The following COL25A1 variants were observed in gnomAD, a reference collection of about 807,000 sequenced individuals.
COL25A1 encodes collagen type XXV alpha 1 chain.
Under a neutral mutation model 128.4 loss-of-function variants are expected in COL25A1, and 103 were observed. The observed-to-expected ratio is 0.80, with a 90% CI of 0.68 to 0.94. COL25A1 has a LOEUF of 0.94. Among genes scored for constraint, COL25A1 ranks in the 40% least tolerant of loss-of-function variants. The probability of loss-of-function intolerance (pLI) is 0.00; values close to 1 mark genes in which losing one functional copy is unlikely to be tolerated. For synonymous variants in COL25A1, 279 were observed against 277.2 expected (o/e 1.01, Z -0.06); for missense variants, 745 against 840.0 (o/e 0.89, Z 1.40).
rs1383703429 is a variant in COL25A1 at position 109,254,505 on chromosome 4, A to ATATATATATGTG, written c.367+46077_367+46078insCACATATATATA. On this transcript the variant is annotated intron_variant, in intron 3 of 37. Coordinates refer to ENST00000399132, the MANE Select transcript of COL25A1 (RefSeq NM_198721.4). ...TATATATATATATATATATATATAT[A>ATATATATATGTG]TGTATGTGTGTATATACATATACAT... Among the ~76,000 whole-genome samples the ATATATATATGTG allele has an allele frequency of 7.4e-3, 780 of 104,838 alleles. 15 individuals carry two copies. Among genetic ancestry groups the ATATATATATGTG allele is most frequent in the East Asian group, 0.022 (72 of 3,256 alleles). 68.8% of individuals were successfully genotyped at this position (104,838 alleles called of 152,430 possible).
Position 108,869,163 on chromosome 4 carries a change from G to A in COL25A1, c.1021-13C>T, listed in dbSNP as rs72668338. The A allele has an allele frequency of 0.12, 164,864 of 1,377,796 alleles. 11,043 individuals carry two copies. Among genetic ancestry groups the A allele is most frequent in the Non-Finnish European group, 0.14 (137,208 of 1,009,618 alleles). 85.3% of individuals were successfully genotyped at this position (1,377,796 alleles called of 1,614,324 possible). A position where few individuals can be genotyped will look rare whatever the true frequency, so the allele number is the denominator to read the frequency against. On this transcript the variant is annotated splice_polypyrimidine_tract_variant and intron_variant, in intron 19 of 37. Transcript: ENST00000399132. ...AACCTGGTTCTCCCTTTAAAAACAT[G>A]GGCATATGAGATCATTAATCATTTG...
chr4:109,187,851 AAAATT>A (rs773889076), intron 3 of COL25A1, among the ~76,000 whole-genome samples: 43 of 152,316 alleles, frequency 2.8e-4, no homozygotes, highest in Admixed American at 1.1e-3. Flanking sequence ...AGGGAAAAAT[AAAATT>A]AAATTAAATT....
chr4:108,974,549 C>A lies in COL25A1; in HGVS notation c.449G>T (p.Gly150Val). Residue 150 changes from glycine (G) to valine (V), a missense_variant, in exon 7 of 38, where the codon GGT (glycine) becomes GTT (valine). Gly to Val is a moderately radical substitution (Grantham distance 109). Around this residue, in one of 3 missense-constraint regions of COL25A1, gnomAD observed 319 missense variants for 324.9 expected, o/e 0.98. Coordinates refer to ENST00000399132, the MANE Select transcript of COL25A1 (RefSeq NM_198721.4). ...TTTTCTTACCTTATCGCCTTTTGGA[C>A]CAGGAGGGCCCTGAAAAAAAGAAAG... ...PGQPGPQGPP[G>V]PKGDKGEQGD... is the part of the protein sequence containing the mutation. 6.3e-7 allele frequency: 1 copy of A among 1,591,796 alleles called. No homozygotes were observed. The highest frequency in any genetic ancestry group is 8.5e-7 in the Non-Finnish European group (1 of 1,172,164).
chr4:109,231,952 T>C (rs1411035425), intron 3 of COL25A1, among the ~76,000 whole-genome samples: 1 of 152,186 alleles, frequency 6.6e-6, no homozygotes, highest in Non-Finnish European at 1.5e-5. Context: ...AACTTAGTTA[T>C]ATACAATTAC....
intron 3 of COL25A1, among the ~76,000 whole-genome samples, chr4:109,162,180 T>A (rs1772641637): frequency 1.3e-5 from 2 of 152,164 alleles, no homozygotes; most frequent in Admixed American, 6.5e-5. Flanking sequence ...AGGAAAGGCT[T>A]CCCGTAGAAG....
intron 3 of COL25A1, among the ~76,000 whole-genome samples, chr4:109,282,291 G>T (rs916206666): frequency 6.6e-6 from 1 of 152,114 alleles, no homozygotes; most frequent in African/African-American, 2.4e-5. Context: ...AGAAATGAAA[G>T]TTCCTGCAAA....
At chr4:109,105,091 TGATCACTGTGGAGGCTAGTTGGG>T (rs1766295971) in intron 3 of COL25A1, among the ~76,000 whole-genome samples, 1 of 152,200 alleles carries the variant, frequency 6.6e-6, no homozygotes, top group Non-Finnish European at 1.5e-5. Flanking sequence ...TGCCTTATGC[TGATCACTGTGGAGGCTAGTTGGG>T]GATAAATTAT....
At chr4:109,218,366 T>TTTTTTTTTTTTTTTTTTTTG (rs1778187103) in intron 3 of COL25A1, among the ~76,000 whole-genome samples, 1 of 134,036 alleles carries the variant, frequency 7.5e-6, no homozygotes, top group East Asian at 2.1e-4. Flanking sequence ...GGTTTTTTTT[T>TTTTTTTTTTTTTTTTTTTTG]TTTTTTTTTT....
At chr4:108,914,905 A>T (rs1403374362) in intron 13 of COL25A1, among the ~76,000 whole-genome samples, 1 of 152,182 alleles carries the variant, frequency 6.6e-6, no homozygotes, top group Non-Finnish European at 1.5e-5. Flanking sequence ...CACTTTAGAT[A>T]TATTGTCTAA....
intron 5 of COL25A1, among the ~76,000 whole-genome samples, chr4:109,020,806 T>C (rs1757672819): frequency 6.6e-6 from 1 of 152,222 alleles, no homozygotes; most frequent in African/African-American, 2.4e-5. Context: ...CATTCATTAA[T>C]TTGCATTATT....
At chr4:108,921,640 A>G (rs1359308253) in intron 11 of COL25A1, among the ~76,000 whole-genome samples, 1 of 152,214 alleles carries the variant, frequency 6.6e-6, no homozygotes, top group African/African-American at 2.4e-5. Context: ...AGACCTGCTC[A>G]TGCATCCTTT....
In COL25A1 at chr4:109,141,456, G is replaced by A. The variant is rs541819560; in HGVS notation, c.368-91277C>T. Among the ~76,000 whole-genome samples the A allele has an allele frequency of 1.7e-4, 26 of 152,268 alleles. No individual in the cohort carries two copies. In the Middle Eastern group the frequency reaches 0.01, roughly 60 times the overall value. ...GGATGATGCTGGCATCATAGAATTA[G>A]TTAGGGGAGATTCCTTCTTTTTCTG... On this transcript the variant is annotated intron_variant, in intron 3 of 37. Transcript: ENST00000399132.
chr4:108,916,887 C>T (rs1744942474), intron 13 of COL25A1, among the ~76,000 whole-genome samples: 1 of 152,128 alleles, frequency 6.6e-6, no homozygotes, highest in Admixed American at 6.5e-5. Context: ...ACACCATAAG[C>T]TTTGGCTGAG....
At chr4:108,964,719 C>T (rs1304720812) in intron 8 of COL25A1, among the ~76,000 whole-genome samples, 2 of 152,068 alleles carry the variant, frequency 1.3e-5, no homozygotes, top group Non-Finnish European at 2.9e-5. Flanking sequence ...GACAAATTTA[C>T]AAATATTCCT....
intron 3 of COL25A1, among the ~76,000 whole-genome samples, chr4:109,066,466 T>A (rs1762457114): frequency 6.6e-6 from 1 of 152,202 alleles, no homozygotes; most frequent in Non-Finnish European, 1.5e-5. Flanking sequence ...ATCTCCATCA[T>A]CATTACAGCA....
chr4:108,959,482 C>T (rs1750431119), intron 8 of COL25A1, among the ~76,000 whole-genome samples: 1 of 152,084 alleles, frequency 6.6e-6, no homozygotes, highest in Non-Finnish European at 1.5e-5. Context: ...AAAATAAAGA[C>T]ATTGAATTCC....
In COL25A1 at chr4:108,967,069, T is replaced by C. The variant is rs559193993; in HGVS notation, c.492+7298A>G. On this transcript the variant is annotated intron_variant, in intron 8 of 37. Coordinates refer to ENST00000399132, the MANE Select transcript of COL25A1 (RefSeq NM_198721.4). ...ATGGAAAATGTAGTCTGTAAATACC[T>C]AGGTTCAAATTCTGGTTCTGCCAGT... Among the ~76,000 whole-genome samples, 5 of 152,172 alleles carry C rather than the reference T, an allele frequency of 3.3e-5. No individual in the cohort carries two copies. In the South Asian group the frequency reaches 1.0e-3, roughly 32 times the overall value.
chr4:109,252,780 G>A (rs897198625), intron 3 of COL25A1, among the ~76,000 whole-genome samples: 1 of 152,178 alleles, frequency 6.6e-6, no homozygotes, highest in African/African-American at 2.4e-5. Flanking sequence ...CTGCCCACTA[G>A]GCGAGTTTCC....
chr4:108,854,614 CTCA>C (rs1395293048), intron 24 of COL25A1, among the ~76,000 whole-genome samples: 1 of 152,096 alleles, frequency 6.6e-6, no homozygotes, highest in Non-Finnish European at 1.5e-5. Context: ...TGAAAAAAAG[CTCA>C]TCATCACTGG....
Sources: gnomAD v4.1 joint callset for allele counts (sites outside exome capture counted in the v4.1 genomes callset) on GRCh38, gnomAD v4.1.1 for gene constraint, gnomAD v4.1.1 regional missense constraint, MANE v1.5 for transcripts, NCBI Gene and HGNC (gene_info 2026-07-23, HGNC 2026-07-21) for gene names.